ZBTB11: variants seen among roughly 807,000 people sequenced by gnomAD.
ZBTB11 encodes zinc finger and BTB domain-containing protein 11.
In ZBTB11, 68 loss-of-function variants were observed where a neutral mutation model predicts 113.1. That is an observed-to-expected ratio of 0.60 (90% CI 0.49 to 0.74). The LOEUF is 0.74. Ranked by LOEUF, ZBTB11 falls within the 30% of genes least tolerant of loss-of-function variation. The probability of loss-of-function intolerance (pLI) is 0.00; values close to 1 mark genes in which losing one functional copy is unlikely to be tolerated. For missense variants in ZBTB11, 1,104 were observed against 1,279.4 expected, an observed-to-expected ratio of 0.86 and a Z score of 2.09; for synonymous variants, 518 against 452.6, an observed-to-expected ratio of 1.14 and a Z score of -1.83.
chr3:101,652,622 G>A lies in ZBTB11; in HGVS notation c.2518C>T (p.His840Tyr), dbSNP rs1559981329. 6.2e-7 allele frequency: 1 copy of A among 1,614,006 alleles called. No homozygotes were observed. Among genetic ancestry groups the A allele is most frequent in the Non-Finnish European group, 8.5e-7 (1 of 1,179,994 alleles). Residue 840 changes from histidine (H) to tyrosine (Y), a missense_variant, in exon 10 of 11, where the codon CAT becomes TAT. This residue lies in a region of ZBTB11 where 148 missense variants were observed against 259.3 expected (regional missense o/e 0.57). Coordinates refer to ENST00000312938, the MANE Select transcript of ZBTB11 (RefSeq NM_014415.4). ...TTCCCATGGGTAGCTTTCTTTACAT[G>A]CCTTCTGAACAAAGCTTTTTCATAA... ...EFYEKALFRR[H>Y]VKKATHGKKG... is the part of the protein sequence containing the mutation.
intron 3 of ZBTB11, 36 bp from the exon 4 acceptor site, chr3:101,665,844 C>A (rs1205386284): frequency 2.6e-6 from 4 of 1,522,786 alleles, no homozygotes; most frequent in African/African-American, 2.8e-5. Context: ...ACAAAAAAGT[C>A]AATTATCAAT....
In ZBTB11 at chr3:101,665,788, G is replaced by A. The variant is rs1436155983; in HGVS notation, c.799C>T (p.Leu267Phe). Residue 267 changes from leucine (L) to phenylalanine (F), a missense_variant, in exon 4 of 11, where the codon CTT becomes TTT. Leu to Phe is a conservative substitution (Grantham distance 22, BLOSUM62 0). Around this residue, in one of 5 missense-constraint regions of ZBTB11, gnomAD observed 86 missense variants for 131.0 expected, o/e 0.66. Coordinates refer to ENST00000312938, the MANE Select transcript of ZBTB11 (RefSeq NM_014415.4). The stretch of plus-strand genomic sequence containing the variant: ...GTATAGGCAAATTCCAGTAAAGGAA[G>A]GAAGCTGGCCTTACAAAAACCTGTA... ...DLSGFCKASF[L>F]PLLEFAYTSV... 1 of 1,601,344 alleles carries A rather than the reference G, an allele frequency of 6.2e-7. No homozygotes were observed. Among genetic ancestry groups the A allele is most frequent in the South Asian group, 1.1e-5 (1 of 88,638 alleles).
chr3:101,661,793 T>G (rs1314124390), intron 5 of ZBTB11, among the ~76,000 whole-genome samples: 1 of 152,192 alleles, frequency 6.6e-6, no homozygotes, highest in Non-Finnish European at 1.5e-5. Flanking sequence ...ACTTCTATCC[T>G]TAAGTTCTGA....
At chr3:101,660,355 A>G (rs1445283700) in intron 5 of ZBTB11, among the ~76,000 whole-genome samples, 1 of 152,214 alleles carries the variant, frequency 6.6e-6, no homozygotes, top group Non-Finnish European at 1.5e-5. Flanking sequence ...AGGGGCTGGA[A>G]ATAGAAAGGT....
At position 101,655,936 on chromosome 3, in the gene ZBTB11, C is replaced by T. The variant is rs541410684; in HGVS notation, c.2191+168G>A. The T allele has an allele frequency of 1.5e-5, 6 of 413,072 alleles. No homozygotes were observed. The Admixed American group carries it at 1.5e-4, about 10-fold the overall frequency. 25.6% of individuals were successfully genotyped at this position (413,072 alleles called of 1,614,324 possible). On this transcript the variant is annotated intron_variant, in intron 7 of 10. Coordinates refer to ENST00000312938, the MANE Select transcript of ZBTB11 (RefSeq NM_014415.4). ...CGGCCTCCCAAAGTGCTGGGGATTA[C>T]AGGCGTGAGCCACCGCGCCCAGCCT... is the stretch of plus-strand genomic sequence containing the variant.
At chr3:101,662,186 T>TC (rs1936902818) in intron 5 of ZBTB11, 1 of 152,128 alleles carries the variant, frequency 6.6e-6, no homozygotes, top group Non-Finnish European at 1.5e-5. Flanking sequence ...TAAAAATTTT[T>TC]TTTTTTGTAG....
chr3:101,673,939 A>G (rs1027521912), intron 1 of ZBTB11, among the ~76,000 whole-genome samples: 1 of 152,162 alleles, frequency 6.6e-6, no homozygotes, highest in Non-Finnish European at 1.5e-5. Flanking sequence ...TTTTAGCTAT[A>G]TGCAATTGAC....
intron 3 of ZBTB11, among the ~76,000 whole-genome samples, chr3:101,666,655 TAC>T (rs1261801983): frequency 6.6e-6 from 1 of 152,238 alleles, no homozygotes; most frequent in Non-Finnish European, 1.5e-5. Flanking sequence ...GAAAAAAGAT[TAC>T]ACAGTGATAA....
At chr3:101,672,309 T>C (rs980458772) in intron 1 of ZBTB11, 96 bp from the exon 2 acceptor site, 4 of 769,224 alleles carry the variant, frequency 5.2e-6, no homozygotes, top group East Asian at 2.6e-5. Flanking sequence ...TCAGTACATA[T>C]GTGCAGACAT....
Position 101,676,947 on chromosome 3 carries a change from G to C in ZBTB11, c.-33C>G. ...CGCGGCTCCCTGAGGGCGCCTGTCA[G>C]GGACAGGTGAGGAAAACGGCCCGCT... On this transcript the variant is annotated 5_prime_UTR_variant, in exon 1 of 11. Transcript: ENST00000312938. 1 of 1,520,654 alleles carries C rather than the reference G, an allele frequency of 6.6e-7. No homozygotes were observed. The highest frequency in any genetic ancestry group is 1.8e-4 in the Middle Eastern group (1 of 5,468). The allele number at this position is 1,520,654 out of a possible 1,614,324, so 94.2% of individuals were successfully genotyped here.
At chr3:101,651,897 G>GC (rs932028145) in intron 10 of ZBTB11, among the ~76,000 whole-genome samples, 1 of 152,142 alleles carries the variant, frequency 6.6e-6, no homozygotes, top group African/African-American at 2.4e-5. Context: ...ACTTTGGGAG[G>GC]CCAAGGCAGG....
At chr3:101,659,581 T>C (rs1045048422) in intron 6 of ZBTB11, among the ~76,000 whole-genome samples, 4 of 152,184 alleles carry the variant, frequency 2.6e-5, no homozygotes, top group African/African-American at 9.7e-5. Flanking sequence ...ACATCTTAAA[T>C]AGATTCAAAT....
intron 5 of ZBTB11, chr3:101,662,052 T>C (rs1011505513): frequency 2.1e-5 from 3 of 145,366 alleles, no homozygotes; most frequent in African/African-American, 7.7e-5. Context: ...TTTTTTAGAC[T>C]TTTTTTTTTT....
intron 5 of ZBTB11, among the ~76,000 whole-genome samples, chr3:101,664,028 T>C (rs914912180): frequency 1.3e-5 from 2 of 152,226 alleles, no homozygotes; most frequent in Admixed American, 6.5e-5. Flanking sequence ...AGTGGAGTTA[T>C]GGTTTTATCC....
rs1334657742 is a variant in ZBTB11, at chr3:101,651,544, T to C, written c.2784A>G (p.Thr928=). ...VCSEAYIDAR[T]LRKHMTKFHR... ...GGAATTTAGTCATATGTTTACGGAG[T>C]GTTCGAGCATCTATGTAGGCTTCGC... Residue 928 remains threonine (T), a synonymous_variant, in exon 11 of 11, where the codon ACA becomes ACG. Coordinates refer to ENST00000312938, the MANE Select transcript of ZBTB11 (RefSeq NM_014415.4). The C allele has an allele frequency of 6.2e-7, 1 of 1,613,974 alleles. No individual in the cohort carries two copies. The highest frequency in any genetic ancestry group is 8.5e-7 in the Non-Finnish European group (1 of 1,180,030).
In ZBTB11 at chr3:101,672,241, T is replaced by C. The variant is rs779936575; in HGVS notation, c.311-28A>G. The C allele has an allele frequency of 2.7e-6, 4 of 1,473,238 alleles. No individual in the cohort carries two copies. In the Admixed American group the frequency reaches 7.6e-5, roughly 28 times the overall value. The allele number at this position is 1,473,238 out of a possible 1,614,324, so 91.3% of individuals were successfully genotyped here. Reference sequence around the variant, plus strand: ...ACAATGAAAATATTAACAAGTCAAATTTAATACTGTTAACTGAAAACAGAA... The same window carrying C: ...ACAATGAAAATATTAACAAGTCAAACTTAATACTGTTAACTGAAAACAGAA... On this transcript the variant is annotated intron_variant, in intron 1 of 10. Coordinates refer to ENST00000312938, the MANE Select transcript of ZBTB11 (RefSeq NM_014415.4).
At chr3:101,663,941 T>C (rs921570143) in intron 5 of ZBTB11, among the ~76,000 whole-genome samples, 2 of 151,938 alleles carry the variant, frequency 1.3e-5, no homozygotes, top group African/African-American at 4.8e-5. Context: ...GCTTTTACTC[T>C]TCCCTGTTTT....
Position 101,664,999 on chromosome 3 carries a change from T to G in ZBTB11, c.1588A>C (p.Lys530Gln). 1 of 1,612,566 alleles carries G rather than the reference T, an allele frequency of 6.2e-7. No individual in the cohort carries two copies. The highest frequency in any genetic ancestry group is 1.7e-5 in the Admixed American group (1 of 59,856). Residue 530 changes from lysine (K) to glutamine (Q), a missense_variant, in exon 4 of 11, where the codon AAA (lysine) becomes CAA (glutamine). Physicochemically the swap from Lys to Gln is moderately conservative, Grantham distance 53. Around this residue, in one of 5 missense-constraint regions of ZBTB11, gnomAD observed 535 missense variants for 518.6 expected, o/e 1.03. Transcript: ENST00000312938. ...LHKGMEKKLQ[K>Q]RKAVPKSAVQ... ...GCTGACTTGGGAACGGCTTTCCGTT[T>G]CTGCAGCTTTTTCTCCATTCCCTTG...
At chr3:101,669,885 A>G (rs2108326538) in intron 3 of ZBTB11, among the ~76,000 whole-genome samples, 1 of 151,530 alleles carries the variant, frequency 6.6e-6, no homozygotes, top group South Asian at 2.1e-4. Flanking sequence ...CTGGAGTGCA[A>G]TGGTGTGATC....
Sources: allele counts gnomAD v4.1 joint callset (sites outside exome capture counted in the v4.1 genomes callset), GRCh38; gene constraint gnomAD v4.1.1; regional missense constraint gnomAD v4.1.1; transcripts MANE v1.5; gene names NCBI Gene and HGNC (gene_info 2026-07-23, HGNC 2026-07-21).